Variants in ST3GAL6 observed in about 807,000 individuals in gnomAD.
ST3GAL6 encodes ST3 beta-galactoside alpha-2,3-sialyltransferase 6.
A neutral mutation model predicts 40.5 loss-of-function variants in ST3GAL6; 31 were observed. The ratio of observed to expected loss-of-function variants is 0.77; its 90% CI spans 0.58 to 1.03. The LOEUF (loss-of-function observed/expected upper bound fraction) is 1.03, where lower values mean the gene tolerates loss of function less well. Among genes scored for constraint, ST3GAL6 ranks in the 50% least tolerant of loss-of-function variants. The probability of loss-of-function intolerance (pLI) is 0.00; values close to 1 mark genes in which losing one functional copy is unlikely to be tolerated. For synonymous variants in ST3GAL6, 129 were observed against 136.9 expected, an observed-to-expected ratio of 0.94 and a Z score of 0.40; for missense variants, 357 against 393.2, an observed-to-expected ratio of 0.91 and a Z score of 0.78.
intron 5 of ST3GAL6, among the ~76,000 whole-genome samples, chr3:98,784,054 T>G (rs1340808185): frequency 6.6e-6 from 1 of 152,208 alleles, no homozygotes; most frequent in Non-Finnish European, 1.5e-5. Context: ...ATCCTTAAGG[T>G]CTTGAGTTCA....
intron 1 of ST3GAL6, chr3:98,733,363 T>A: frequency 9.3e-7 from 1 of 1,073,458 alleles, no homozygotes; most frequent in Non-Finnish European, 1.1e-6. Flanking sequence ...TGGGACCCTC[T>A]TTTGTCGAAT....
In ST3GAL6 at chr3:98,768,559, C is replaced by T. The variant is rs72932679; in HGVS notation, c.89+30C>T. On this transcript the variant is annotated intron_variant, in intron 2 of 9. Coordinates refer to ENST00000483910, the MANE Select transcript of ST3GAL6 (RefSeq NM_001323368.2). ...GTTTCATTTTGTTATTTAAAAATAA[C>T]TCTCAACCTAGTCTTTCACACAAAT... 1,153 of 1,499,968 alleles carry T rather than the reference C, an allele frequency of 7.7e-4. 14 individuals carry two copies. The African/African-American group carries it at 0.014, about 18-fold the overall frequency. The allele number at this position is 1,499,968 out of a possible 1,614,324, so 92.9% of individuals were successfully genotyped here. A position where few individuals can be genotyped will look rare whatever the true frequency, so the allele number is the denominator to read the frequency against.
chr3:98,782,713 G>T, intron 5 of ST3GAL6: 1 of 455,152 alleles, frequency 2.2e-6, no homozygotes, highest in Non-Finnish European at 4.3e-6. Context: ...CCAGCAGGGA[G>T]GAGGCCAATG....
At chr3:98,763,558 T>G in intron 1 of ST3GAL6, 119 bp downstream of exon 1, 1 of 943,430 alleles carries the variant, frequency 1.1e-6, no homozygotes, top group Non-Finnish European at 1.4e-6. Flanking sequence ...GGGATGTGCT[T>G]CTCTTATTTG....
At chr3:98,745,147 C>CCTCA (rs1936445170) in intron 1 of ST3GAL6, among the ~76,000 whole-genome samples, 1 of 152,042 alleles carries the variant, frequency 6.6e-6, no homozygotes, top group Admixed American at 6.6e-5. Context: ...GATTCTCCTG[C>CCTCA]CTCAGCCTCC....
intron 1 of ST3GAL6, among the ~76,000 whole-genome samples, chr3:98,757,168 G>A (rs1359316672): frequency 6.6e-6 from 1 of 152,162 alleles, no homozygotes; most frequent in Non-Finnish European, 1.5e-5. Context: ...ATGAATATAT[G>A]CAGGCACTCA....
intron 8 of ST3GAL6, among the ~76,000 whole-genome samples, chr3:98,790,547 A>C (rs780322649): frequency 4.6e-5 from 7 of 152,222 alleles, no homozygotes; most frequent in Non-Finnish European, 1.0e-4. Flanking sequence ...ATGGAAATTT[A>C]CTAGTCAAAC....
At chr3:98,765,149 C>G (rs1938192483) in intron 1 of ST3GAL6, among the ~76,000 whole-genome samples, 1 of 152,158 alleles carries the variant, frequency 6.6e-6, no homozygotes, top group African/African-American at 2.4e-5. Context: ...CTTGAGCCTG[C>G]CCTAGAGTCA....
chr3:98,782,149 G>A, intron 5 of ST3GAL6: 1 of 675,442 alleles, frequency 1.5e-6, no homozygotes, highest in Non-Finnish European at 2.7e-6. Context: ...TCTAGAATAG[G>A]GATTGAAATC....
chr3:98,783,076 A>C (rs545990273), intron 5 of ST3GAL6: 2 of 183,906 alleles, frequency 1.1e-5, no homozygotes. Flanking sequence ...TGTGACACTC[A>C]CCCGAAAGAG....
At chr3:98,741,665 A>G (rs953587796) in intron 1 of ST3GAL6, among the ~76,000 whole-genome samples, 1 of 152,188 alleles carries the variant, frequency 6.6e-6, no homozygotes, top group African/African-American at 2.4e-5. Context: ...ATATCTCTCT[A>G]TAAGGCACTT....
intron 5 of ST3GAL6, chr3:98,782,421 A>G: frequency 1.6e-6 from 1 of 637,470 alleles, no homozygotes; most frequent in Non-Finnish European, 2.8e-6. Context: ...CATGACTCTC[A>G]CAATAGCCAG....
At position 98,793,789 on chromosome 3, in the gene ST3GAL6, C is replaced by T. The variant is rs369663359; in HGVS notation, c.*28C>T. The stretch of plus-strand genomic sequence containing the variant: ...CTACAGACTCAGAAGATGATGCTAA[C>T]AGTGTTAGTTTTATTTTTGTACTGC... On this transcript the variant is annotated 3_prime_UTR_variant, in exon 10 of 10. Coordinates refer to ENST00000483910, the MANE Select transcript of ST3GAL6 (RefSeq NM_001323368.2). 156 of 1,435,388 alleles carry T rather than the reference C, an allele frequency of 1.1e-4. No homozygotes were observed. The highest frequency in any genetic ancestry group is 1.5e-4 in the Non-Finnish European group (154 of 1,048,248). 88.9% of individuals were successfully genotyped at this position (1,435,388 alleles called of 1,614,324 possible).
At chr3:98,733,882 G>A (rs981873310) in intron 1 of ST3GAL6, among the ~76,000 whole-genome samples, 12 of 152,184 alleles carry the variant, frequency 7.9e-5, no homozygotes, top group African/African-American at 2.9e-4. Flanking sequence ...AAAACAGTGT[G>A]TGGGGGTAGG....
chr3:98,782,047 C>T lies in ST3GAL6; in HGVS notation c.336-2898C>T, dbSNP rs184528189. 5 of 587,272 alleles carry T rather than the reference C, an allele frequency of 8.5e-6. No homozygotes were observed. The East Asian group carries it at 8.5e-5, about 10-fold the overall frequency. The allele number at this position is 587,272 out of a possible 1,614,324, so 36.4% of individuals were successfully genotyped here. ...TTTGGGGAGGATAATGGCAATAATA[C>T]CCTGAGAGGAAAGGGTTTTGAATAT... is the stretch of plus-strand genomic sequence containing the variant. On this transcript the variant is annotated intron_variant, in intron 5 of 9. Transcript: ENST00000483910.
chr3:98,790,987 G>GCA (rs1559757291), intron 8 of ST3GAL6, among the ~76,000 whole-genome samples: 1 of 152,066 alleles, frequency 6.6e-6, no homozygotes, highest in East Asian at 1.9e-4. Flanking sequence ...GTGCTTCTTC[G>GCA]ATTTTTTTTT....
chr3:98,732,473 T>G, exon 1 of ST3GAL6: 1 of 183,210 alleles, frequency 5.5e-6, no homozygotes. Flanking sequence ...CCCTTCGCGG[T>G]GATTTTCCGG....
chr3:98,739,420 A>G (rs1935867146), intron 1 of ST3GAL6, among the ~76,000 whole-genome samples: 1 of 152,100 alleles, frequency 6.6e-6, no homozygotes, highest in Admixed American at 6.5e-5. Flanking sequence ...CCCATGCAAA[A>G]TGCCATATAA....
chr3:98,770,827 T>C (rs1938899643), intron 2 of ST3GAL6, 52 bp from the exon 3 acceptor site: 4 of 1,538,756 alleles, frequency 2.6e-6, no homozygotes, highest in Middle Eastern at 1.7e-4. Flanking sequence ...TGCTTCCCTT[T>C]GGGCAGGGTG....
Sources: allele counts gnomAD v4.1 joint callset (sites outside exome capture counted in the v4.1 genomes callset), GRCh38; gene constraint gnomAD v4.1.1; transcripts MANE v1.5; gene names NCBI Gene and HGNC (gene_info 2026-07-23, HGNC 2026-07-21).